Variants in RTL4 observed in about 807,000 individuals in gnomAD.
RTL4 encodes the protein retrotransposon Gag like 4, also known as retrotransposon Gag-like protein 4.
A neutral mutation model predicts 5.3 loss-of-function variants in RTL4; 4 were observed. The ratio of observed to expected loss-of-function variants is 0.75; its 90% CI spans 0.37 to 1.72. The LOEUF (loss-of-function observed/expected upper bound fraction) is 1.72, where lower values mean the gene tolerates loss of function less well. RTL4 is among the 40% of genes most tolerant of loss of function. RTL4 has a pLI of 0.04. For missense variants in RTL4, 260 were observed against 227.1 expected, an observed-to-expected ratio of 1.14 and a Z score of -0.93; for synonymous variants, 98 against 87.3, an observed-to-expected ratio of 1.12 and a Z score of -0.68.
the RTL4 span, among the ~76,000 whole-genome samples, chrX:112,366,628 T>G: frequency 8.9e-6 from 1 of 112,201 alleles, no homozygotes; most frequent in Admixed American, 9.4e-5. Context: ...TGACACACAT[T>G]CCTCATGTGT....
chrX:112,182,039 C>T, the RTL4 span, among the ~76,000 whole-genome samples: 1 of 111,720 alleles, frequency 9.0e-6, no homozygotes, highest in Non-Finnish European at 1.9e-5. Context: ...CCCAGGCAAA[C>T]AGGGTCTGGG....
the RTL4 span, among the ~76,000 whole-genome samples, chrX:112,241,913 T>C: frequency 2.7e-5 from 3 of 112,444 alleles, no homozygotes; most frequent in Middle Eastern, 9.2e-3. Context: ...TTTCTACATA[T>C]GGCTAGCCAG....
the RTL4 span, among the ~76,000 whole-genome samples, chrX:112,357,825 G>A: frequency 9.0e-6 from 1 of 111,716 alleles, no homozygotes; most frequent in Admixed American, 9.5e-5. Flanking sequence ...TACTGGACAG[G>A]CTTGCTAAGG....
At chrX:112,390,106 AATATATATAT>A in the RTL4 span, among the ~76,000 whole-genome samples, 111 of 17,355 alleles carry the variant, frequency 6.4e-3, no homozygotes, top group South Asian at 0.012. Flanking sequence ...ATTTATATAT[AATATATATAT>A]ATATATATAT....
the RTL4 span, among the ~76,000 whole-genome samples, chrX:112,371,783 C>G: frequency 9.0e-6 from 1 of 111,624 alleles, no homozygotes; most frequent in African/African-American, 3.2e-5. Context: ...TTGAAACCCT[C>G]TATATCAGAA....
At chrX:112,365,025 T>G in the RTL4 span, among the ~76,000 whole-genome samples, 1 of 111,283 alleles carries the variant, frequency 9.0e-6, no homozygotes, top group Non-Finnish European at 1.9e-5. Context: ...TGTAATAGAA[T>G]GTAAGATGGT....
the RTL4 span, among the ~76,000 whole-genome samples, chrX:112,146,029 G>A: frequency 8.9e-6 from 1 of 112,156 alleles, no homozygotes; most frequent in Non-Finnish European, 1.9e-5. Flanking sequence ...ATTTTAAAAC[G>A]ATCACTCTGG....
chrX:112,434,433 G>A, the RTL4 span, among the ~76,000 whole-genome samples: 1 of 111,696 alleles, frequency 9.0e-6, no homozygotes, highest in East Asian at 2.8e-4. Context: ...TCTATTTAGA[G>A]ATTCAACTTC....
the RTL4 span, among the ~76,000 whole-genome samples, chrX:112,431,779 T>C: frequency 1.8e-5 from 2 of 108,962 alleles, no homozygotes; most frequent in South Asian, 4.2e-4. Flanking sequence ...GTGCACAATG[T>C]GCAGGTTAGT....
chrX:112,437,802 ATGGTGG>A, the RTL4 span, among the ~76,000 whole-genome samples: 2,574 of 76,897 alleles, frequency 0.033, 116 homozygotes, highest in African/African-American at 0.1. Flanking sequence ...GGTGGTGGTG[ATGGTGG>A]TGGTGGTGGT....
chrX:112,309,906 G>A, the RTL4 span, among the ~76,000 whole-genome samples: 9 of 103,676 alleles, frequency 8.7e-5, no homozygotes, highest in East Asian at 2.2e-3. Context: ...ATATATGTGT[G>A]TGTGTATATA....
At chrX:112,378,155 A>C in the RTL4 span, among the ~76,000 whole-genome samples, 1 of 110,676 alleles carries the variant, frequency 9.0e-6, no homozygotes. Context: ...TCGCATTTGC[A>C]CCTCCCCCTC....
the RTL4 span, among the ~76,000 whole-genome samples, chrX:112,267,161 C>T: frequency 9.0e-6 from 1 of 111,436 alleles, no homozygotes; most frequent in South Asian, 3.8e-4. Flanking sequence ...TCTCTGGTTC[C>T]CTTCTTAACA....
the RTL4 span, among the ~76,000 whole-genome samples, chrX:112,157,105 T>C: frequency 9.1e-6 from 1 of 109,341 alleles, no homozygotes; most frequent in Non-Finnish European, 1.9e-5. Flanking sequence ...TGTGTGTTTC[T>C]GTGTTTTAGC....
chrX:112,251,195 T>A, the RTL4 span, among the ~76,000 whole-genome samples: 3 of 112,663 alleles, frequency 2.7e-5, no homozygotes, highest in Middle Eastern at 4.6e-3. Context: ...AGAAATTAAA[T>A]TCTGTCAATT....
the RTL4 span, among the ~76,000 whole-genome samples, chrX:112,424,297 C>A: frequency 5.6e-3 from 627 of 111,810 alleles, 6 homozygotes; most frequent in African/African-American, 0.02. Flanking sequence ...GGAGCTTTGG[C>A]TTTAACAGAA....
the RTL4 span, among the ~76,000 whole-genome samples, chrX:112,174,177 C>T: frequency 9.7e-6 from 1 of 102,743 alleles, no homozygotes; most frequent in African/African-American, 3.6e-5. Context: ...GTGTGCTGCA[C>T]CCACTAACTC....
exon 1 of RTL4, chrX:112,455,769 G>A: frequency 1.3e-6 from 1 of 762,723 alleles, no homozygotes; most frequent in Non-Finnish European, 1.9e-6. Context: ...CACTTTATAG[G>A]CAGTTATGAA....
chrX:112,366,809 C>T, the RTL4 span, among the ~76,000 whole-genome samples: 1 of 111,931 alleles, frequency 8.9e-6, no homozygotes, highest in African/African-American at 3.3e-5. Context: ...AATATGACCA[C>T]AGTCTTTCTT....
Sources: allele counts gnomAD v4.1 joint callset (sites outside exome capture counted in the v4.1 genomes callset), GRCh38; gene constraint gnomAD v4.1.1; transcripts MANE v1.5; gene names NCBI Gene and HGNC (gene_info 2026-07-23, HGNC 2026-07-21).